Variants in PCDH15 observed in about 807,000 individuals in gnomAD.
PCDH15 encodes the protein protocadherin related 15.
A neutral mutation model predicts 178.5 loss-of-function variants in PCDH15; 129 were observed. That is an observed-to-expected ratio of 0.72 (90% CI 0.63 to 0.84). PCDH15 has a LOEUF of 0.84. Among genes scored for constraint, PCDH15 ranks in the 40% least tolerant of loss-of-function variants. The pLI is 0.00. For missense variants in PCDH15, 2,230 were observed against 2,099.9 expected (o/e 1.06, Z -1.21); for synonymous variants, 800 against 732.0 (o/e 1.09, Z -1.50).
At chr10:54,679,886 A>T (rs1423392302) in intron 1 of PCDH15, among the ~76,000 whole-genome samples, 1 of 152,190 alleles carries the variant, frequency 6.6e-6, no homozygotes. Flanking sequence ...AAACTTTTGA[A>T]TCTTGGGTAT....
At chr10:55,281,696 T>C (rs922498164) in intron 1 of PCDH15, among the ~76,000 whole-genome samples, 2 of 152,144 alleles carry the variant, frequency 1.3e-5, no homozygotes, top group Non-Finnish European at 2.9e-5. Context: ...AATCCATATA[T>C]TAACCTGGCT....
At chr10:54,739,840 A>G (rs117756981) in intron 1 of PCDH15, among the ~76,000 whole-genome samples, 4 of 152,204 alleles carry the variant, frequency 2.6e-5, no homozygotes, top group Non-Finnish European at 5.9e-5. Context: ...ATGCAGAACA[A>G]TGAAAATAGA....
intron 8 of PCDH15, among the ~76,000 whole-genome samples, chr10:54,283,447 T>C (rs2058828586): frequency 6.6e-6 from 1 of 152,156 alleles, no homozygotes; most frequent in Admixed American, 6.6e-5. Context: ...GAAAGTTAGC[T>C]GAGTTTAGAT....
At chr10:53,948,246 T>C (rs2121524) in intron 23 of PCDH15, among the ~76,000 whole-genome samples, 77,447 of 151,954 alleles carry the variant, frequency 0.51, 21,481 homozygotes, top group Middle Eastern at 0.68. Context: ...ATAAATTATA[T>C]GGTCTTACCT....
At chr10:54,114,680 G>T (rs1007366281) in intron 15 of PCDH15, among the ~76,000 whole-genome samples, 1 of 152,070 alleles carries the variant, frequency 6.6e-6, no homozygotes, top group African/African-American at 2.4e-5. Flanking sequence ...TTATAAGGTG[G>T]GTAGGTAAGA....
intron 25 of PCDH15, among the ~76,000 whole-genome samples, chr10:53,924,582 G>A (rs10825165): frequency 0.32 from 48,266 of 152,236 alleles, 9,726 homozygotes; most frequent in Middle Eastern, 0.56. Context: ...CGCCGGACTG[G>A]CGGGCAGCTC....
intron 13 of PCDH15, among the ~76,000 whole-genome samples, chr10:54,166,831 G>A (rs1031033189): frequency 6.6e-6 from 1 of 152,074 alleles, no homozygotes; most frequent in African/African-American, 2.4e-5. Context: ...AGTGTAAATG[G>A]CCAGTCCTTG....
At chr10:55,565,920 G>C (rs2132104144) in intron 2 of PCDH15, among the ~76,000 whole-genome samples, 1 of 151,698 alleles carries the variant, frequency 6.6e-6, no homozygotes, top group Middle Eastern at 3.4e-3. Flanking sequence ...TAAAGAACTA[G>C]CATCAATCTT....
Position 53,961,900 on chromosome 10 carries a change from A to G in PCDH15, c.2869-8T>C. On this transcript the variant is annotated splice_region_variant and splice_polypyrimidine_tract_variant and intron_variant, in intron 21 of 37. Coordinates refer to ENST00000644397, the MANE Select transcript of PCDH15 (RefSeq NM_001384140.1). ...ACGACTTGCAGGTAATCCCTAAAATAAAATTATTAATTATTAATTTGCTGT... is the reference window on the plus strand; with the variant it reads ...ACGACTTGCAGGTAATCCCTAAAATGAAATTATTAATTATTAATTTGCTGT... 1 of 1,601,104 alleles carries G rather than the reference A, an allele frequency of 6.2e-7. No homozygotes were observed. Among genetic ancestry groups the G allele is most frequent in the South Asian group, 1.1e-5 (1 of 90,378 alleles).
chr10:53,967,258 G>C (rs2089135459), intron 21 of PCDH15, among the ~76,000 whole-genome samples: 2 of 152,074 alleles, frequency 1.3e-5, no homozygotes. Flanking sequence ...GGATGTGTTT[G>C]CTTCCGCTTC....
rs1448662537 is a variant in PCDH15, at chr10:53,831,458, C to G, written c.4059G>C (p.Glu1353Asp). 11 of 1,614,154 alleles carry G rather than the reference C, an allele frequency of 6.8e-6. No individual in the cohort carries two copies. Among genetic ancestry groups the G allele is most frequent in the Non-Finnish European group, 8.5e-6 (10 of 1,180,034 alleles). Residue 1353 changes from glutamate to aspartate, a missense_variant, in exon 30 of 38, where the codon GAG (glutamate) becomes GAC (aspartate). Transcript: ENST00000644397. ...TGGTCACTGCCTCTGGAGTCCGGAT[C>G]TCCAGAATGCGTCCTCCTTCCCCAT... ...PYYGEGGRIL[E>D]IRTPEAVTSI...
chr10:55,514,987 ATTTT>A (rs35469059), intron 2 of PCDH15, among the ~76,000 whole-genome samples: 1 of 120,264 alleles, frequency 8.3e-6, no homozygotes. Context: ...AGATAGATAG[ATTTT>A]TTTTTTTTTT....
At chr10:55,620,611 T>G (rs184780906) in intron 2 of PCDH15, among the ~76,000 whole-genome samples, 1 of 151,918 alleles carries the variant, frequency 6.6e-6, no homozygotes, top group Non-Finnish European at 1.5e-5. Flanking sequence ...GAGTGGAAAT[T>G]TGAATATTTG....
At chr10:54,311,723 A>T (rs2060921479) in intron 8 of PCDH15, among the ~76,000 whole-genome samples, 1 of 152,028 alleles carries the variant, frequency 6.6e-6, no homozygotes, top group African/African-American at 2.4e-5. Context: ...GTTCAATATA[A>T]TATTAATCTT....
intron 1 of PCDH15, among the ~76,000 whole-genome samples, chr10:55,232,233 G>A (rs529918926): frequency 1.3e-5 from 2 of 151,954 alleles, no homozygotes; most frequent in Non-Finnish European, 1.5e-5. Flanking sequence ...ATCATTGGGA[G>A]TAATTTTATC....
intron 17 of PCDH15, 110 bp downstream of exon 17, chr10:54,079,218 TAAG>T (rs2094395970): frequency 9.8e-7 from 1 of 1,020,528 alleles, no homozygotes; most frequent in Non-Finnish European, 1.6e-6. Flanking sequence ...CTAGTAATTA[TAAG>T]AAGTTGCTCC....
chr10:55,336,522 A>G (rs868535445), intron 2 of PCDH15, among the ~76,000 whole-genome samples: 20 of 152,070 alleles, frequency 1.3e-4, no homozygotes, highest in Admixed American at 6.6e-4. Flanking sequence ...ATAAACAAAT[A>G]AAAATAATTA....
At chr10:54,545,562 G>C (rs990695808) in intron 2 of PCDH15, among the ~76,000 whole-genome samples, 4 of 151,904 alleles carry the variant, frequency 2.6e-5, no homozygotes, top group African/African-American at 2.4e-5. Context: ...GAGAAAGCAA[G>C]GAAGGAGGGA....
At chr10:54,856,617 A>G (rs1194795622) in intron 3 of PCDH15, among the ~76,000 whole-genome samples, 3 of 152,126 alleles carry the variant, frequency 2.0e-5, no homozygotes, top group Non-Finnish European at 4.4e-5. Flanking sequence ...ACTGATCTCT[A>G]TGTATTGACT....
Sources: gnomAD v4.1 joint callset for allele counts (sites outside exome capture counted in the v4.1 genomes callset) on GRCh38, gnomAD v4.1.1 for gene constraint, MANE v1.5 for transcripts, NCBI Gene and HGNC (gene_info 2026-07-23, HGNC 2026-07-21) for gene names.